PALM2AKAP2: variants seen among roughly 807,000 people sequenced by gnomAD.
PALM2AKAP2 encodes the protein PALM2 and AKAP2 fusion.
PALM2AKAP2 carries 37 observed loss-of-function variants against 71.5 expected under a neutral mutation model. That is an observed-to-expected ratio of 0.52 (90% CI 0.40 to 0.68). The LOEUF (loss-of-function observed/expected upper bound fraction) is 0.68. Among genes scored for constraint, PALM2AKAP2 ranks in the 30% least tolerant of loss-of-function variants. The probability of loss-of-function intolerance (pLI) is 0.00; values close to 1 mark genes in which losing one functional copy is unlikely to be tolerated. For missense variants in PALM2AKAP2, 1,224 were observed against 1,191.8 expected, an observed-to-expected ratio of 1.03 and a Z score of -0.40; for synonymous variants, 468 against 478.8, an observed-to-expected ratio of 0.98 and a Z score of 0.29.
chr9:109,805,649 A>T (rs1827552329), intron 1 of PALM2AKAP2, among the ~76,000 whole-genome samples: 1 of 152,230 alleles, frequency 6.6e-6, no homozygotes, highest in Non-Finnish European at 1.5e-5. Context: ...GAGCTGCCCC[A>T]GTTTGGAATT....
chr9:109,661,430 C>T (rs532293796), intron 1 of PALM2AKAP2, among the ~76,000 whole-genome samples: 2 of 152,238 alleles, frequency 1.3e-5, no homozygotes, highest in African/African-American at 4.8e-5. Context: ...AATCCTTTCC[C>T]CATTGCTTGT....
At chr9:110,050,938 CT>C (rs896733709) in intron 1 of PALM2AKAP2, among the ~76,000 whole-genome samples, 5 of 152,188 alleles carry the variant, frequency 3.3e-5, no homozygotes, top group Admixed American at 3.3e-4. Context: ...TGGCCCTTTC[CT>C]TAAAGGGCAT....
chr9:110,070,923 A>T (rs1834190613), intron 1 of PALM2AKAP2, among the ~76,000 whole-genome samples: 2 of 152,086 alleles, frequency 1.3e-5, no homozygotes, highest in Admixed American at 1.3e-4. Flanking sequence ...GCACTTTGGG[A>T]GGCTGACGTG....
At chr9:110,158,153 T>C (rs1836504531) in intron 3 of PALM2AKAP2, among the ~76,000 whole-genome samples, 2 of 152,346 alleles carry the variant, frequency 1.3e-5, no homozygotes, top group South Asian at 4.1e-4. Context: ...GATTTTTCCC[T>C]GGCTACTCAG....
At chr9:109,666,791 G>A (rs572793678) in intron 1 of PALM2AKAP2, among the ~76,000 whole-genome samples, 1 of 152,224 alleles carries the variant, frequency 6.6e-6, no homozygotes, top group South Asian at 2.1e-4. Flanking sequence ...GCAAAAGCTG[G>A]ACAAAGGTGG....
rs567668148 is a variant in PALM2AKAP2, at chr9:109,716,604, A to G, written c.6-63884A>G. Among the ~76,000 whole-genome samples, 3 of 152,302 alleles carry G rather than the reference A, an allele frequency of 2.0e-5. No homozygotes were observed. In the East Asian group the frequency reaches 5.8e-4, roughly 29 times the overall value. ...GTACCTGGAAAGACTCCTCCTTCCA[A>G]GGAGGAAACCAGGTCATGGGTGAAG... On this transcript the variant is annotated intron_variant, in intron 1 of 6. Coordinates refer to the PALM2AKAP2 transcript ENST00000374531.
intron 1 of PALM2AKAP2, among the ~76,000 whole-genome samples, chr9:109,792,461 A>G (rs560804261): frequency 1.5e-4 from 23 of 152,252 alleles, no homozygotes; most frequent in African/African-American, 4.8e-4. Flanking sequence ...AGCTCTCTCA[A>G]TTTGAACACA....
chr9:109,798,190 C>T (rs1827317809), intron 1 of PALM2AKAP2, among the ~76,000 whole-genome samples: 1 of 152,114 alleles, frequency 6.6e-6, no homozygotes. Flanking sequence ...TTCATAAGGA[C>T]ACCAATCATG....
intron 6 of PALM2AKAP2, among the ~76,000 whole-genome samples, chr9:110,012,424 T>G (rs1430650475): frequency 2.6e-5 from 4 of 152,246 alleles, no homozygotes; most frequent in African/African-American, 9.6e-5. Context: ...CCTTCTTATC[T>G]TCCTTCTGTG....
chr9:110,060,566 C>A (rs956426186), intron 1 of PALM2AKAP2, among the ~76,000 whole-genome samples: 2 of 152,018 alleles, frequency 1.3e-5, no homozygotes, highest in African/African-American at 4.8e-5. Context: ...CTCCATCACT[C>A]TCATGAGGAA....
chr9:109,680,328 A>C (rs368935702), intron 1 of PALM2AKAP2, among the ~76,000 whole-genome samples: 39 of 152,356 alleles, frequency 2.6e-4, no homozygotes, highest in African/African-American at 9.4e-4. Context: ...AGAGCAGAAC[A>C]GTCACACGAG....
exon 2 of PALM2AKAP2, chr9:110,137,826 A>C: frequency 6.2e-7 from 1 of 1,614,128 alleles, no homozygotes; most frequent in Non-Finnish European, 8.5e-7. Context: ...CCACAAACTG[A>C]CAACCCCTCA....
chr9:109,920,795 C>CAAATAAATAAAT (rs3063871), intron 3 of PALM2AKAP2, among the ~76,000 whole-genome samples: 149 of 150,746 alleles, frequency 9.9e-4, no homozygotes, highest in East Asian at 4.7e-3. Flanking sequence ...AATCACACCT[C>CAAATAAATAAAT]AAATAAATAA....
chr9:110,134,853 G>C (rs541161325), intron 1 of PALM2AKAP2, among the ~76,000 whole-genome samples: 19 of 152,110 alleles, frequency 1.2e-4, no homozygotes, highest in African/African-American at 4.6e-4. Context: ...GCCAACCTAG[G>C]TGTTGTAAGG....
At chr9:109,872,485 C>A (rs1157311637) in intron 2 of PALM2AKAP2, among the ~76,000 whole-genome samples, 2 of 152,160 alleles carry the variant, frequency 1.3e-5, no homozygotes, top group Admixed American at 1.3e-4. Flanking sequence ...ACAGAGTTGG[C>A]CCTGTCAGAA....
chr9:109,973,704 T>C (rs1043379851), intron 6 of PALM2AKAP2, among the ~76,000 whole-genome samples: 3 of 152,234 alleles, frequency 2.0e-5, no homozygotes, highest in African/African-American at 7.2e-5. Context: ...GAATGCTATC[T>C]AGTTTTAGTC....
exon 4 of PALM2AKAP2, chr9:110,168,416 G>A (rs781719301): frequency 3.1e-6 from 5 of 1,614,082 alleles, no homozygotes; most frequent in Non-Finnish European, 4.2e-6. Flanking sequence ...AGGCCACACG[G>A]GTTAATCGAA....
intron 1 of PALM2AKAP2, among the ~76,000 whole-genome samples, chr9:109,789,993 G>T (rs76645980): frequency 0.068 from 10,336 of 152,146 alleles, 485 homozygotes; most frequent in South Asian, 0.097. Flanking sequence ...ATTACTCTTT[G>T]ACCCTAGTAT....
chr9:109,811,407 A>G (rs1272373561), intron 1 of PALM2AKAP2, among the ~76,000 whole-genome samples: 2 of 152,078 alleles, frequency 1.3e-5, no homozygotes, highest in South Asian at 2.1e-4. Context: ...AAAGAGTGCT[A>G]TGCTTTATTT....
Sources: allele counts gnomAD v4.1 joint callset (sites outside exome capture counted in the v4.1 genomes callset), GRCh38; gene constraint gnomAD v4.1.1; transcripts MANE v1.5; gene names NCBI Gene and HGNC (gene_info 2026-07-23, HGNC 2026-07-21).